The following NOS1 variants were observed in gnomAD, a reference collection of about 807,000 sequenced individuals.
NOS1 encodes the protein nitric oxide synthase 1.
NOS1 carries 51 observed loss-of-function variants against 164.5 expected under a neutral mutation model. That is an observed-to-expected ratio of 0.31 (90% CI 0.25 to 0.39). The LOEUF is 0.39. NOS1 is among the 10% of genes least tolerant of loss of function. NOS1 has a pLI of 1.00. For missense variants in NOS1, 1,362 were observed against 1,885.6 expected, an observed-to-expected ratio of 0.72 and a Z score of 5.14; for synonymous variants, 719 against 745.8, an observed-to-expected ratio of 0.96 and a Z score of 0.59.
At chr12:117,338,979 C>G (rs1416572573) in intron 1 of NOS1, among the ~76,000 whole-genome samples, 3 of 152,120 alleles carry the variant, frequency 2.0e-5, no homozygotes, top group Non-Finnish European at 4.4e-5. Context: ...ACTGCCACCC[C>G]CAACACAAAC....
At chr12:117,268,198 A>G (rs967087212) in intron 10 of NOS1, 54 bp from the exon 11 acceptor site, 99 of 1,195,982 alleles carry the variant, frequency 8.3e-5, no homozygotes, top group Middle Eastern at 5.7e-4. Flanking sequence ...TGGATTTCAG[A>G]TTGAAGAGGG....
intron 20 of NOS1, among the ~76,000 whole-genome samples, chr12:117,239,945 G>A (rs1450374098): frequency 6.6e-6 from 1 of 151,050 alleles, no homozygotes; most frequent in African/African-American, 2.4e-5. Context: ...GTAGCTTAGA[G>A]TCAGGTGCCT....
intron 1 of NOS1, among the ~76,000 whole-genome samples, chr12:117,355,395 A>C (rs1876810494): frequency 6.6e-6 from 1 of 152,236 alleles, no homozygotes; most frequent in Non-Finnish European, 1.5e-5. Flanking sequence ...CTCTCAGGTA[A>C]GGCAGAAGAT....
At position 117,211,312 on chromosome 12, in the gene NOS1, C is replaced by T; in HGVS notation, c.*3997G>A. The stretch of plus-strand genomic sequence containing the variant: ...TCACCCTCTACAATGGATGGGGTGC[C>T]AGGTACGCTGATTCAGTTCCTGGAG... On this transcript the variant is annotated 3_prime_UTR_variant, in exon 29 of 29. Transcript: ENST00000317775. 1 of 985,302 alleles carries T rather than the reference C, an allele frequency of 1.0e-6. No individual in the cohort carries two copies. Among genetic ancestry groups the T allele is most frequent in the Non-Finnish European group, 1.2e-6 (1 of 829,942 alleles). The allele number at this position is 985,302 out of a possible 1,614,324, so 61.0% of individuals were successfully genotyped here.
At chr12:117,271,538 T>C (rs1399508052) in intron 10 of NOS1, among the ~76,000 whole-genome samples, 1 of 152,158 alleles carries the variant, frequency 6.6e-6, no homozygotes, top group East Asian at 1.9e-4. Flanking sequence ...CCTCCCAAAG[T>C]GCTGGGATTA....
chr12:117,210,528 G>T lies in NOS1; in HGVS notation c.*4781C>A. The stretch of plus-strand genomic sequence containing the variant: ...GAAACATGGCTGGTTTAAAACACAG[G>T]CTAGAAGTCCACAGATTTCCTAATG... On this transcript the variant is annotated 3_prime_UTR_variant, in exon 29 of 29. Transcript: ENST00000317775. 2.0e-6 allele frequency: 2 copies of T among 985,404 alleles called. No homozygotes were observed. The highest frequency in any genetic ancestry group is 2.4e-6 in the Non-Finnish European group (2 of 829,962). 61.0% of individuals were successfully genotyped at this position (985,404 alleles called of 1,614,324 possible). A position where few individuals can be genotyped will look rare whatever the true frequency, so the allele number is the denominator to read the frequency against.
In NOS1 at chr12:117,285,221, T is replaced by C. The variant is rs758159734; in HGVS notation, c.1382+20A>G. 1 of 1,588,506 alleles carries C rather than the reference T, an allele frequency of 6.3e-7. No individual in the cohort carries two copies. Among genetic ancestry groups the C allele is most frequent in the Non-Finnish European group, 8.6e-7 (1 of 1,158,084 alleles). The stretch of plus-strand genomic sequence containing the variant: ...GGACTTTTGACCTCCTGCTCCCCAG[T>C]GCCCAGCTGGTCAGCTCACCTGAGG... On this transcript the variant is annotated intron_variant, in intron 7 of 28. Coordinates refer to ENST00000317775, the MANE Select transcript of NOS1 (RefSeq NM_000620.5).
chr12:117,235,872 G>A (rs963461572), intron 20 of NOS1, among the ~76,000 whole-genome samples: 2 of 152,180 alleles, frequency 1.3e-5, no homozygotes, highest in South Asian at 2.1e-4. Context: ...ACAAAACCCC[G>A]TCTCTACTAA....
At chr12:117,221,984 C>T (rs1035563040) in intron 26 of NOS1, among the ~76,000 whole-genome samples, 4 of 151,898 alleles carry the variant, frequency 2.6e-5, no homozygotes, top group Non-Finnish European at 4.4e-5. Context: ...ATGGTAAAAA[C>T]GTCATGTAAC....
chr12:117,251,185 G>C (rs1871077363), intron 17 of NOS1, among the ~76,000 whole-genome samples: 1 of 152,082 alleles, frequency 6.6e-6, no homozygotes, highest in Admixed American at 6.6e-5. Context: ...CCAGAGAGAG[G>C]GCCCTCACCA....
intron 2 of NOS1, among the ~76,000 whole-genome samples, chr12:117,314,035 A>G (rs1242424984): frequency 6.6e-6 from 1 of 152,140 alleles, no homozygotes; most frequent in Non-Finnish European, 1.5e-5. Flanking sequence ...GCCACAGTCC[A>G]AGCTCTGAGA....
At chr12:117,359,693 G>C (rs1446019905) in intron 1 of NOS1, among the ~76,000 whole-genome samples, 1 of 151,492 alleles carries the variant, frequency 6.6e-6, no homozygotes, top group Non-Finnish European at 1.5e-5. Context: ...CTGGGCTATG[G>C]GAGTAGAGGG....
intron 12 of NOS1, among the ~76,000 whole-genome samples, chr12:117,264,490 CT>C (rs1383181597): frequency 6.7e-6 from 1 of 149,706 alleles, no homozygotes; most frequent in Non-Finnish European, 1.5e-5. Flanking sequence ...TCCTTTCTTT[CT>C]CTTTCTTTCT....
rs564294700 is a variant in NOS1 at position 117,224,842 on chromosome 12, T to C, written c.3826+174A>G. On this transcript the variant is annotated intron_variant, in intron 25 of 28. Coordinates refer to ENST00000317775, the MANE Select transcript of NOS1 (RefSeq NM_000620.5). ...TTTCAGGCCCCTGGGACAGGCTGTT[T>C]GGATTACACCATGAACTTCACCTGT... Among the ~76,000 whole-genome samples the C allele has an allele frequency of 7.2e-5, 11 of 152,340 alleles. No homozygotes were observed. The South Asian group carries it at 2.3e-3, about 32-fold the overall frequency.
intron 23 of NOS1, 23 bp downstream of exon 23, chr12:117,227,408 G>C: frequency 6.2e-7 from 1 of 1,611,006 alleles, no homozygotes. Context: ...AGCTGAGGAG[G>C]CTCTCCCAGT....
intron 3 of NOS1, among the ~76,000 whole-genome samples, chr12:117,290,743 T>C (rs1257164825): frequency 6.6e-6 from 1 of 152,052 alleles, no homozygotes; most frequent in African/African-American, 2.4e-5. Context: ...CGGTGAATAT[T>C]TGTTGAATGA....
At position 117,246,937 on chromosome 12, in the gene NOS1, A is replaced by C. The variant is rs201783233; in HGVS notation, c.2823+411T>G. Among the ~76,000 whole-genome samples, 4 of 152,288 alleles carry C rather than the reference A, an allele frequency of 2.6e-5. No homozygotes were observed. The East Asian group carries it at 7.7e-4, about 29-fold the overall frequency. The stretch of plus-strand genomic sequence containing the variant: ...TGGCTATGTGTGGCTAGTGGCTACC[A>C]TATTGGTTAGTGAAGATCTAGTACA... On this transcript the variant is annotated intron_variant, in intron 18 of 28. Coordinates refer to ENST00000317775, the MANE Select transcript of NOS1 (RefSeq NM_000620.5).
At position 117,263,871 on chromosome 12, in the gene NOS1, C is replaced by A. The variant is rs1397936656; in HGVS notation, c.2222+18G>T. 6.2e-7 allele frequency: 1 copy of A among 1,604,898 alleles called. No homozygotes were observed. The highest frequency in any genetic ancestry group is 8.5e-7 in the Non-Finnish European group (1 of 1,171,910). ...TTGTGGGGACATCCACCCCACCCGC[C>A]CACTGCACGAAACTTACTCTGCTAG... is the stretch of plus-strand genomic sequence containing the variant. On this transcript the variant is annotated intron_variant, in intron 13 of 28. Coordinates refer to ENST00000317775, the MANE Select transcript of NOS1 (RefSeq NM_000620.5).
chr12:117,347,400 T>A (rs1876403862), intron 1 of NOS1, among the ~76,000 whole-genome samples: 1 of 152,124 alleles, frequency 6.6e-6, no homozygotes, highest in Non-Finnish European at 1.5e-5. Flanking sequence ...ATGTTTACAC[T>A]GGGCCTGTGT....
Sources: gnomAD v4.1 joint callset for allele counts (sites outside exome capture counted in the v4.1 genomes callset) on GRCh38, gnomAD v4.1.1 for gene constraint, MANE v1.5 for transcripts, NCBI Gene and HGNC (gene_info 2026-07-23, HGNC 2026-07-21) for gene names.